Variants in NKAIN2 observed in about 807,000 individuals in gnomAD.
NKAIN2 encodes sodium/potassium transporting ATPase interacting 2, also known as sodium/potassium-transporting ATPase subunit beta-1-interacting protein 2.
NKAIN2 carries 14 observed loss-of-function variants against 32.6 expected under a neutral mutation model. The observed-to-expected ratio is 0.43, with a 90% confidence interval of 0.28 to 0.67. The LOEUF (loss-of-function observed/expected upper bound fraction) is 0.67, where lower values mean the gene tolerates loss of function less well. Ranked by LOEUF, NKAIN2 falls within the 30% of genes least tolerant of loss-of-function variation. NKAIN2 has a pLI of 0.17. For synonymous variants in NKAIN2, 80 were observed against 87.2 expected (o/e 0.92, Z 0.46); for missense variants, 198 against 258.3 (o/e 0.77, Z 1.60).
chr6:124,662,346 A>G (rs1021041822), intron 4 of NKAIN2, among the ~76,000 whole-genome samples: 5 of 152,106 alleles, frequency 3.3e-5, no homozygotes, highest in African/African-American at 1.2e-4. Context: ...TCCCACAGCC[A>G]TTAGTGTTGA....
chr6:124,711,482 A>T (rs1396159526), intron 4 of NKAIN2, among the ~76,000 whole-genome samples: 1 of 151,020 alleles, frequency 6.6e-6, no homozygotes, highest in Non-Finnish European at 1.5e-5. Flanking sequence ...TGGTCTTTTC[A>T]CATAGTCCCA....
intron 1 of NKAIN2, among the ~76,000 whole-genome samples, chr6:124,275,610 A>G (rs1394626335): frequency 2.0e-5 from 3 of 152,172 alleles, no homozygotes; most frequent in African/African-American, 7.2e-5. Flanking sequence ...GATTTAATAT[A>G]TGGGGTGTTA....
At chr6:124,435,192 A>G (rs1775386401) in intron 3 of NKAIN2, among the ~76,000 whole-genome samples, 2 of 152,136 alleles carry the variant, frequency 1.3e-5, no homozygotes, top group Non-Finnish European at 2.9e-5. Context: ...GCATGCAAAC[A>G]TCTTGAGAAG....
chr6:124,486,639 A>G (rs1030381084), intron 3 of NKAIN2, among the ~76,000 whole-genome samples: 1 of 152,152 alleles, frequency 6.6e-6, no homozygotes, highest in South Asian at 2.1e-4. Flanking sequence ...TTATGTTACT[A>G]CAATCAGTAA....
At chr6:124,119,656 G>A (rs898635812) in intron 1 of NKAIN2, among the ~76,000 whole-genome samples, 7 of 152,102 alleles carry the variant, frequency 4.6e-5, no homozygotes, top group Non-Finnish European at 1.0e-4. Context: ...GAAAAAAAAT[G>A]GTAACTTTAC....
intron 2 of NKAIN2, 146 bp from the exon 3 acceptor site, chr6:124,355,121 A>G: frequency 3.8e-6 from 2 of 532,134 alleles, no homozygotes; most frequent in Non-Finnish European, 6.7e-6. Context: ...AGATAAACGT[A>G]CATCTAATCC....
At chr6:124,113,510 G>A (rs962901489) in intron 1 of NKAIN2, among the ~76,000 whole-genome samples, 3 of 152,012 alleles carry the variant, frequency 2.0e-5, no homozygotes, top group Admixed American at 6.6e-5. Context: ...TCAATGGCCT[G>A]TACCAGCCCA....
At chr6:124,421,637 C>A (rs1297470724) in intron 3 of NKAIN2, among the ~76,000 whole-genome samples, 1 of 152,072 alleles carries the variant, frequency 6.6e-6, no homozygotes, top group Non-Finnish European at 1.5e-5. Flanking sequence ...TTGTAACTCA[C>A]ATGAGGGTTA....
At chr6:123,951,462 G>T (rs115593102) in intron 1 of NKAIN2, among the ~76,000 whole-genome samples, 1,815 of 151,958 alleles carry the variant, frequency 0.012, 32 homozygotes, top group African/African-American at 0.042. Flanking sequence ...ATAATATTTA[G>T]AATCATTATA....
intron 3 of NKAIN2, among the ~76,000 whole-genome samples, chr6:124,588,366 T>G (rs1055668263): frequency 1.3e-5 from 2 of 152,176 alleles, no homozygotes; most frequent in Admixed American, 1.3e-4. Flanking sequence ...TTAAAAAATA[T>G]CCATGCACAA....
At chr6:124,313,066 A>G (rs1169309609) in intron 2 of NKAIN2, among the ~76,000 whole-genome samples, 1 of 152,132 alleles carries the variant, frequency 6.6e-6, no homozygotes, top group Non-Finnish European at 1.5e-5. Flanking sequence ...ACCATGGGAA[A>G]AAAAACCATT....
At chr6:124,040,064 GT>G (rs1781798031) in intron 1 of NKAIN2, among the ~76,000 whole-genome samples, 2 of 152,010 alleles carry the variant, frequency 1.3e-5, no homozygotes, top group African/African-American at 4.8e-5. Context: ...CAAGTGGTTT[GT>G]TTCTTTTTCT....
chr6:124,218,352 T>A (rs2114685219), intron 1 of NKAIN2, among the ~76,000 whole-genome samples: 2 of 152,316 alleles, frequency 1.3e-5, no homozygotes, highest in East Asian at 3.9e-4. Context: ...CAATTTCATT[T>A]GAGGTTATTC....
At chr6:124,647,742 A>T (rs1051500371) in intron 3 of NKAIN2, among the ~76,000 whole-genome samples, 13 of 152,266 alleles carry the variant, frequency 8.5e-5, no homozygotes, top group African/African-American at 3.1e-4. Context: ...CAAAAACAGA[A>T]ACTAGAAAAT....
At chr6:124,674,030 T>C (rs964534136) in intron 4 of NKAIN2, among the ~76,000 whole-genome samples, 2 of 152,016 alleles carry the variant, frequency 1.3e-5, no homozygotes, top group African/African-American at 4.8e-5. Flanking sequence ...TCCATTTTGA[T>C]TTGGTTTTTG....
intron 3 of NKAIN2, among the ~76,000 whole-genome samples, chr6:124,453,050 A>C (rs1776171572): frequency 1.3e-5 from 2 of 152,038 alleles, no homozygotes; most frequent in South Asian, 4.1e-4. Context: ...TGCCAAGAAC[A>C]GAGACAGCAT....
intron 3 of NKAIN2, among the ~76,000 whole-genome samples, chr6:124,415,323 A>T (rs1043012833): frequency 5.9e-5 from 9 of 152,188 alleles, no homozygotes; most frequent in African/African-American, 2.2e-4. Context: ...TGGTTCAGAG[A>T]ACTCAGGACC....
intron 1 of NKAIN2, among the ~76,000 whole-genome samples, chr6:124,097,213 A>G (rs1784681129): frequency 6.6e-6 from 1 of 152,006 alleles, no homozygotes; most frequent in Non-Finnish European, 1.5e-5. Context: ...CATCATGGCT[A>G]ACACGGTAAA....
At chr6:124,195,868 C>T (rs1198985008) in intron 1 of NKAIN2, among the ~76,000 whole-genome samples, 1 of 152,008 alleles carries the variant, frequency 6.6e-6, no homozygotes, top group African/African-American at 2.4e-5. Context: ...TGGCTACTAT[C>T]CCAGTGTTGC....
Sources: allele counts gnomAD v4.1 joint callset (sites outside exome capture counted in the v4.1 genomes callset), GRCh38; gene constraint gnomAD v4.1.1; transcripts MANE v1.5; gene names NCBI Gene and HGNC (gene_info 2026-07-23, HGNC 2026-07-21).